The following GK5 variants were observed in gnomAD, a reference collection of about 807,000 sequenced individuals.
The protein encoded by GK5 is glycerol kinase 5, also known as ATP:glycerol 3-phosphotransferase 5.
In GK5, 39 loss-of-function variants were observed where a neutral mutation model predicts 77.3. The observed-to-expected ratio is 0.50, with a 90% CI of 0.39 to 0.66. GK5 has a LOEUF of 0.66. Ranked by LOEUF, GK5 falls within the 30% of genes least tolerant of loss-of-function variation. The pLI is 0.00. For synonymous variants in GK5, 211 were observed against 208.0 expected (o/e 1.01, Z -0.13); for missense variants, 487 against 633.8 (o/e 0.77, Z 2.49).
intron 2 of GK5, among the ~76,000 whole-genome samples, chr3:142,215,270 A>G (rs2107797944): frequency 6.6e-6 from 1 of 152,346 alleles, no homozygotes; most frequent in South Asian, 2.1e-4. Context: ...GAAGCTATAC[A>G]CTGTAACTTC....
At chr3:142,214,015 G>A (rs925618980) in intron 2 of GK5, among the ~76,000 whole-genome samples, 1 of 152,056 alleles carries the variant, frequency 6.6e-6, no homozygotes, top group Admixed American at 6.6e-5. Flanking sequence ...GTAGAGACAG[G>A]GTTTTACCAT....
Position 142,215,672 on chromosome 3 carries a change from T to C in GK5, c.168A>G (p.Gln56=). The change falls in exon 2 of 16, where the codon CAA becomes CAG. Residue 56 remains glutamine, a synonymous_variant. Coordinates refer to ENST00000392993, the MANE Select transcript of GK5 (RefSeq NM_001039547.3). ...SVQKVENLYP[Q]IGWVEIDPDV... Reference sequence around the variant, plus strand: ...CAGGATCAATTTCTACCCAGCCAATTTGAGGATAAAGATTTTCTACCTATT... The same window carrying C: ...CAGGATCAATTTCTACCCAGCCAATCTGAGGATAAAGATTTTCTACCTATT... 6.3e-7 allele frequency: 1 copy of C among 1,587,328 alleles called. No homozygotes were observed. Among genetic ancestry groups the C allele is most frequent in the African/African-American group, 1.3e-5 (1 of 74,414 alleles).
chr3:142,167,419 A>G (rs948087080), intron 15 of GK5, among the ~76,000 whole-genome samples: 1 of 152,114 alleles, frequency 6.6e-6, no homozygotes, highest in Non-Finnish European at 1.5e-5. Context: ...GTATTAATGT[A>G]GACAAGTTTT....
Position 142,158,620 on chromosome 3 carries a change from CA to C in GK5, c.*7001del, listed in dbSNP as rs151040990. On this transcript the variant is annotated 3_prime_UTR_variant, in exon 16 of 16. Coordinates refer to ENST00000392993, the MANE Select transcript of GK5 (RefSeq NM_001039547.3). Reference sequence around the variant, plus strand: ...ATTCATTAAGAGCATCACAGAAGGCCAGGCACAGTGGCTCACATCAGAGAAA... The same window carrying C: ...ATTCATTAAGAGCATCACAGAAGGCCGGCACAGTGGCTCACATCAGAGAAA... 3,568 of 152,560 alleles carry C rather than the reference CA, an allele frequency of 0.023. 55 individuals carry two copies. The highest frequency in any genetic ancestry group is 0.039 in the Non-Finnish European group (2,653 of 68,006). The allele number at this position is 152,560 out of a possible 1,614,324, so 9.5% of individuals were successfully genotyped here.
At chr3:142,199,768 GAA>G (rs34465065) in intron 4 of GK5, among the ~76,000 whole-genome samples, 2 of 136,570 alleles carry the variant, frequency 1.5e-5, no homozygotes, top group Non-Finnish European at 1.6e-5. Flanking sequence ...GACATACTAG[GAA>G]AAAAAAAAAA....
chr3:142,221,574 G>A (rs1283204317), intron 1 of GK5, among the ~76,000 whole-genome samples: 4 of 152,092 alleles, frequency 2.6e-5, no homozygotes, highest in African/African-American at 9.7e-5. Context: ...TGTTTTTCAA[G>A]CATGTACATA....
chr3:142,203,752 C>T (rs950299559), intron 4 of GK5, among the ~76,000 whole-genome samples: 13 of 151,812 alleles, frequency 8.6e-5, no homozygotes, highest in South Asian at 2.1e-4. Context: ...CCAGCTTGGG[C>T]GATAGAGCAA....
chr3:142,191,319 C>T (rs79229190), intron 5 of GK5, among the ~76,000 whole-genome samples: 19,810 of 151,742 alleles, frequency 0.13, 1,473 homozygotes, highest in Middle Eastern at 0.21. Flanking sequence ...TGAGCCACTG[C>T]GCCCGGCAAG....
At chr3:142,204,028 G>T (rs2064066947) in intron 4 of GK5, among the ~76,000 whole-genome samples, 1 of 152,124 alleles carries the variant, frequency 6.6e-6, no homozygotes, top group Non-Finnish European at 1.5e-5. Context: ...ATTTGGTATT[G>T]TTGGCTTTGA....
intron 1 of GK5, among the ~76,000 whole-genome samples, chr3:142,218,452 G>T (rs2064302776): frequency 6.8e-6 from 1 of 146,566 alleles, no homozygotes; most frequent in South Asian, 2.2e-4. Context: ...TGAGGCAGGA[G>T]AATTGCTTGA....
chr3:142,169,947 A>T (rs1219710571), intron 15 of GK5, among the ~76,000 whole-genome samples: 1 of 152,186 alleles, frequency 6.6e-6, no homozygotes. Flanking sequence ...TGCTGGGATT[A>T]CAGGCATGAG....
Position 142,198,911 on chromosome 3 carries a change from A to G in GK5, c.434T>C (p.Val145Ala). ...TTTACTTCTAGTGAAAAAGTGAAGC[A>G]CTCGGCAAGAACTGTGAAATATCTA... ...LMKIFHSSCRVLHFFTRSKRL... is the reference protein window; with the variant it reads ...LMKIFHSSCRALHFFTRSKRL... Residue 145 changes from valine to alanine, a missense_variant, in exon 5 of 16, where the codon GTG (valine) becomes GCG (alanine). Coordinates refer to ENST00000392993, the MANE Select transcript of GK5 (RefSeq NM_001039547.3). 1 of 1,612,400 alleles carries G rather than the reference A, an allele frequency of 6.2e-7. No homozygotes were observed. The highest frequency in any genetic ancestry group is 8.5e-7 in the Non-Finnish European group (1 of 1,178,850).
rs1342546449 is a variant in GK5, at chr3:142,159,851, C to CTTTTTTTTTTTTTTTTT, written c.*5770_*5771insAAAAAAAAAAAAAAAAA. 1 of 87,002 alleles carries CTTTTTTTTTTTTTTTTT rather than the reference C, an allele frequency of 1.1e-5. No homozygotes were observed. Among genetic ancestry groups the CTTTTTTTTTTTTTTTTT allele is most frequent in the African/African-American group, 4.5e-5 (1 of 22,180 alleles). The allele number at this position is 87,002 out of a possible 1,614,324, so 5.4% of individuals were successfully genotyped here. The stretch of plus-strand genomic sequence containing the variant: ...GCTTTCTCTCTCTCTCTCTCTCTCT[C>CTTTTTTTTTTTTTTTTT]TCTTTTTTTTTTTTGAGACAGAGTC... On this transcript the variant is annotated 3_prime_UTR_variant, in exon 16 of 16. Coordinates refer to ENST00000392993, the MANE Select transcript of GK5 (RefSeq NM_001039547.3).
At chr3:142,184,256 GTC>G (rs2063736121) in intron 9 of GK5, among the ~76,000 whole-genome samples, 1 of 35,702 alleles carries the variant, frequency 2.8e-5, no homozygotes, top group African/African-American at 3.1e-4. Flanking sequence ...GTGAGACTCT[GTC>G]TCAAAAAAAA....
At chr3:142,186,332 C>G (rs2063769581) in intron 7 of GK5, 65 bp from the exon 8 acceptor site, 1 of 1,087,226 alleles carries the variant, frequency 9.2e-7, no homozygotes, top group Admixed American at 1.9e-5. Flanking sequence ...AAACATATAT[C>G]AAAACATCAT....
At chr3:142,212,062 A>C (rs2064194981) in intron 3 of GK5, among the ~76,000 whole-genome samples, 1 of 152,186 alleles carries the variant, frequency 6.6e-6, no homozygotes, top group African/African-American at 2.4e-5. Context: ...CTGAATTAGA[A>C]GCCAAGTCCT....
intron 10 of GK5, among the ~76,000 whole-genome samples, chr3:142,182,441 T>G (rs918393254): frequency 1.3e-5 from 2 of 151,870 alleles, no homozygotes; most frequent in African/African-American, 4.8e-5. Flanking sequence ...GCCTCCCCGG[T>G]TCAAGTGATT....
At chr3:142,218,342 G>C (rs763278426) in intron 1 of GK5, among the ~76,000 whole-genome samples, 1 of 149,866 alleles carries the variant, frequency 6.7e-6, no homozygotes, top group South Asian at 2.1e-4. Context: ...CAACCAGCTT[G>C]GGCAACGCGG....
At chr3:142,194,511 G>C (rs2063904004) in intron 5 of GK5, among the ~76,000 whole-genome samples, 2 of 150,338 alleles carry the variant, frequency 1.3e-5, no homozygotes, top group Admixed American at 6.7e-5. Flanking sequence ...GGATGACAGA[G>C]TAAGACTCCA....
Sources: gnomAD v4.1 joint callset for allele counts (sites outside exome capture counted in the v4.1 genomes callset) on GRCh38, gnomAD v4.1.1 for gene constraint, MANE v1.5 for transcripts, NCBI Gene and HGNC (gene_info 2026-07-23, HGNC 2026-07-21) for gene names.